Variants in MEGF6 observed in about 807,000 individuals in gnomAD.
MEGF6 encodes the protein multiple epidermal growth factor-like domains protein 6.
In MEGF6, 184 loss-of-function variants were observed where a neutral mutation model predicts 207.1. That is an observed-to-expected ratio of 0.89 (90% CI 0.79 to 1.00). The LOEUF is 1.00. Among genes scored for constraint, MEGF6 ranks in the 50% least tolerant of loss-of-function variants. The pLI, the probability that MEGF6 is intolerant of heterozygous loss-of-function variation, is 0.00. For synonymous variants in MEGF6, 1,038 were observed against 910.0 expected (o/e 1.14, Z -2.53); for missense variants, 2,282 against 2,202.9 (o/e 1.04, Z -0.72).
At position 3,587,923 on chromosome 1, in the gene MEGF6, A is replaced by G. The variant is rs530762981; in HGVS notation, c.376+7415T>C. Among the ~76,000 whole-genome samples, 150 of 44,774 alleles carry G rather than the reference A, an allele frequency of 3.4e-3. 6 individuals carry two copies. In the East Asian group the frequency reaches 0.087, roughly 26 times the overall value. 29.4% of individuals were successfully genotyped at this position (44,774 alleles called of 152,430 possible). ...AGGAGTGGCCAGGAGGGGGCAGGAG[A>G]GGCCAGGAGGGGGCAGGAGGGGGCA... On this transcript the variant is annotated intron_variant, in intron 3 of 36. Transcript: ENST00000356575.
At chr1:3,553,931 G>T (rs143889217) in intron 4 of MEGF6, among the ~76,000 whole-genome samples, 72 of 152,338 alleles carry the variant, frequency 4.7e-4, no homozygotes, top group African/African-American at 1.7e-3. Context: ...GGGTGGCACG[G>T]CTGGGGCCTG....
At chr1:3,531,807 G>A (rs1177826334) in intron 4 of MEGF6, among the ~76,000 whole-genome samples, 1 of 151,746 alleles carries the variant, frequency 6.6e-6, no homozygotes, top group Non-Finnish European at 1.5e-5. Flanking sequence ...TCCTGGCCGG[G>A]CCGCGGGGCG....
chr1:3,539,505 CA>C (rs1642447505), intron 4 of MEGF6, among the ~76,000 whole-genome samples: 1 of 152,100 alleles, frequency 6.6e-6, no homozygotes, highest in African/African-American at 2.4e-5. Flanking sequence ...TTAGGAGGCA[CA>C]GGGGGAACGT....
chr1:3,595,328 C>A lies in MEGF6; in HGVS notation c.376+10G>T. On this transcript the variant is annotated intron_variant, in intron 3 of 36. Transcript: ENST00000356575. The stretch of plus-strand genomic sequence containing the variant: ...TGGAGGGAGGGCGGGGAGGCGCAGG[C>A]GGCACTCACCCGAGAGGCAGCCCTC... The A allele has an allele frequency of 4.4e-6, 7 of 1,600,378 alleles. No homozygotes were observed. Among genetic ancestry groups the A allele is most frequent in the Non-Finnish European group, 5.1e-6 (6 of 1,169,410 alleles).
At chr1:3,514,772 C>T (rs1641479922) in intron 6 of MEGF6, 100 bp from the exon 7 acceptor site, 1 of 1,317,510 alleles carries the variant, frequency 7.6e-7, no homozygotes, top group Non-Finnish European at 1.0e-6. Flanking sequence ...ACCCAGTGCT[C>T]TCCCCACTCT....
At chr1:3,522,996 T>C (rs533372184) in intron 5 of MEGF6, among the ~76,000 whole-genome samples, 1 of 152,264 alleles carries the variant, frequency 6.6e-6, no homozygotes, top group South Asian at 2.1e-4. Context: ...CTGCATCTGT[T>C]TCTACTTTCA....
chr1:3,521,084 C>G (rs993984149), intron 5 of MEGF6, among the ~76,000 whole-genome samples: 1 of 152,178 alleles, frequency 6.6e-6, no homozygotes, highest in African/African-American at 2.4e-5. Context: ...TTCCTTGTCC[C>G]CCTGCAAAGC....
Position 3,560,687 on chromosome 1 carries a change from A to G in MEGF6, c.481+19138T>C, listed in dbSNP as rs1643173437. 1 of 455,250 alleles carries G rather than the reference A, an allele frequency of 2.2e-6. No homozygotes were observed. Among genetic ancestry groups the G allele is most frequent in the African/African-American group, 2.0e-5 (1 of 49,122 alleles). The allele number at this position is 455,250 out of a possible 1,614,324, so 28.2% of individuals were successfully genotyped here. On this transcript the variant is annotated intron_variant, in intron 4 of 36. Coordinates refer to ENST00000356575, the MANE Select transcript of MEGF6 (RefSeq NM_001409.4). The surrounding 1 kb of genome is among the most constrained non-coding windows in gnomAD (Gnocchi z 4.0). ...GGCTGGGTGCCATCAACCCCTCCCCATCTGTGGTTTCCAGGGCAACCCTGG... is the reference window on the plus strand; with the variant it reads ...GGCTGGGTGCCATCAACCCCTCCCCGTCTGTGGTTTCCAGGGCAACCCTGG...
At chr1:3,621,032 A>G in the MEGF6 span, among the ~76,000 whole-genome samples, 1 of 152,238 alleles carries the variant, frequency 6.6e-6, no homozygotes, top group African/African-American at 2.4e-5. Context: ...CCTGCTATCT[A>G]AAAGGCAGAG....
chr1:3,534,927 C>T (rs1008108799), intron 4 of MEGF6, among the ~76,000 whole-genome samples: 7 of 152,180 alleles, frequency 4.6e-5, no homozygotes, highest in African/African-American at 7.2e-5. Context: ...TTCATCTGGA[C>T]TCCAAATCCC....
chr1:3,491,321 T>C (rs1640352405), intron 35 of MEGF6, among the ~76,000 whole-genome samples: 2 of 152,044 alleles, frequency 1.3e-5, no homozygotes, highest in South Asian at 4.1e-4. Flanking sequence ...CAGCTCAATG[T>C]CAAGGCACTG....
intron 4 of MEGF6, among the ~76,000 whole-genome samples, chr1:3,547,890 T>C (rs1642766483): frequency 6.6e-6 from 1 of 152,078 alleles, no homozygotes; most frequent in Admixed American, 6.5e-5. Flanking sequence ...ACTGGGCTGG[T>C]AGGAGCATCG....
upstream of MEGF6, among the ~76,000 whole-genome samples, chr1:3,615,244 C>T (rs897055520): frequency 4.6e-5 from 7 of 152,146 alleles, no homozygotes; most frequent in African/African-American, 1.2e-4. Flanking sequence ...GGGCAGGGAC[C>T]GCAGCAGGGG....
At chr1:3,568,337 C>T (rs577517322) in intron 4 of MEGF6, among the ~76,000 whole-genome samples, 18 of 138,024 alleles carry the variant, frequency 1.3e-4, no homozygotes, top group African/African-American at 3.2e-4. Context: ...TCCAGGAACA[C>T]GGCAGGGGAA....
At position 3,515,438 on chromosome 1, in the gene MEGF6, C is replaced by T. The variant is rs201571304; in HGVS notation, c.694G>A (p.Gly232Arg). The T allele has an allele frequency of 8.7e-6, 14 of 1,612,610 alleles. No individual in the cohort carries two copies. Among genetic ancestry groups the T allele is most frequent in the South Asian group, 4.4e-5 (4 of 91,062 alleles). Reference protein sequence around the residue: ...ITRHRCQCRPGFQLQEDGRHC... With the variant: ...ITRHRCQCRPRFQLQEDGRHC... ...CTGCCGTCCTCCTGGAGCTGGAACC[C>T]GGGCCGGCACTGGCAGCGATGCCGA... The change falls in exon 6 of 37, where the codon GGG becomes AGG. Residue 232 changes from glycine to arginine, a missense_variant. Coordinates refer to ENST00000356575, the MANE Select transcript of MEGF6 (RefSeq NM_001409.4).
intron 4 of MEGF6, among the ~76,000 whole-genome samples, chr1:3,576,481 C>G (rs1044456845): frequency 6.6e-6 from 1 of 152,174 alleles, no homozygotes; most frequent in Non-Finnish European, 1.5e-5. Flanking sequence ...AAACTGGAAT[C>G]AATTATAATT....
At chr1:3,542,004 G>A (rs1003106730) in intron 4 of MEGF6, among the ~76,000 whole-genome samples, 4 of 152,252 alleles carry the variant, frequency 2.6e-5, no homozygotes, top group Non-Finnish European at 4.4e-5. Context: ...TGAGAGCCGG[G>A]TCCGGCACCG....
At chr1:3,499,375 G>A in intron 23 of MEGF6, 109 bp from the exon 24 acceptor site, 1 of 1,446,046 alleles carries the variant, frequency 6.9e-7, no homozygotes, top group Non-Finnish European at 9.2e-7. Context: ...GGCTGCTATG[G>A]CCAACTCTCC....
At chr1:3,619,152 G>T in the MEGF6 span, among the ~76,000 whole-genome samples, 1 of 152,188 alleles carries the variant, frequency 6.6e-6, no homozygotes. Flanking sequence ...GTGAAGCTGC[G>T]CCCTCTAATT....
Sources: gnomAD v4.1 joint callset for allele counts (sites outside exome capture counted in the v4.1 genomes callset) on GRCh38, gnomAD v4.1.1 for gene constraint, Gnocchi (gnomAD v3.1) non-coding constraint, MANE v1.5 for transcripts, NCBI Gene and HGNC (gene_info 2026-07-23, HGNC 2026-07-21) for gene names.